SLC4A4: variants seen among roughly 807,000 people sequenced by gnomAD.
SLC4A4 encodes solute carrier family 4 member 4.
SLC4A4 carries 27 observed loss-of-function variants against 111.5 expected under a neutral mutation model. That is an observed-to-expected ratio of 0.24 (90% CI 0.18 to 0.33). The LOEUF is 0.33. SLC4A4 is among the 10% of genes least tolerant of loss of function. The pLI, the probability that SLC4A4 is intolerant of heterozygous loss-of-function variation, is 1.00. For missense variants in SLC4A4, 909 were observed against 1,315.5 expected, an observed-to-expected ratio of 0.69 and a Z score of 4.78; for synonymous variants, 443 against 463.4, an observed-to-expected ratio of 0.96 and a Z score of 0.57.
rs1452893 is a variant in SLC4A4, at chr4:71,190,431, G to C, written c.-2+3030G>C. Among the ~76,000 whole-genome samples the C allele has an allele frequency of 4.4e-3, 480 of 109,652 alleles. 1 individual carries two copies. The highest frequency in any genetic ancestry group is 0.042 in the East Asian group (153 of 3,608). 71.9% of individuals were successfully genotyped at this position (109,652 alleles called of 152,430 possible). ...ACACACACACACACACACACACACA[G>C]ACACAACTCATTTGTAGAGGTGGCT... On this transcript the variant is annotated intron_variant, in intron 1 of 25. Coordinates refer to ENST00000264485, the MANE Select transcript of SLC4A4 (RefSeq NM_001098484.3).
intron 3 of SLC4A4, chr4:71,301,352 C>T: frequency 4.6e-6 from 1 of 218,818 alleles, no homozygotes; most frequent in South Asian, 6.5e-5. Context: ...ACTCCATAGT[C>T]AGGGCTTGAA....
intron 7 of SLC4A4, among the ~76,000 whole-genome samples, chr4:71,426,691 G>A (rs1723173365): frequency 6.6e-6 from 1 of 152,028 alleles, no homozygotes; most frequent in Non-Finnish European, 1.5e-5. Context: ...GCCCTTGTTG[G>A]AGGCTAATTT....
chr4:71,450,538 C>G lies in SLC4A4; in HGVS notation c.1203C>G (p.Asp401Glu). The change falls in exon 10 of 26, where the codon GAC (aspartate) becomes GAG (glutamate). Residue 401 changes from aspartate to glutamate, a missense_variant. Coordinates refer to ENST00000264485, the MANE Select transcript of SLC4A4 (RefSeq NM_001098484.3). ...IEPPKSLPSS[D>E]KRKNMYSGGE... The stretch of plus-strand genomic sequence containing the variant: ...CTCCTAAGAGTCTTCCATCCTCTGA[C>G]AAAAGGTAAATTATAGGCAGTTGAT... 1 of 1,612,812 alleles carries G rather than the reference C, an allele frequency of 6.2e-7. No homozygotes were observed. Among genetic ancestry groups the G allele is most frequent in the South Asian group, 1.1e-5 (1 of 90,990 alleles).
At chr4:71,139,213 G>A (rs200255619) in intron 2 of SLC4A4, among the ~76,000 whole-genome samples, 1 of 108,914 alleles carries the variant, frequency 9.2e-6, no homozygotes, top group Non-Finnish European at 2.1e-5. Flanking sequence ...GTGTGTGTGT[G>A]TGTGTATTTC....
At chr4:71,376,156 T>TATAC (rs1553900734) in intron 6 of SLC4A4, among the ~76,000 whole-genome samples, 2,128 of 135,540 alleles carry the variant, frequency 0.016, 58 homozygotes, top group African/African-American at 0.049. Flanking sequence ...CCTGTATATA[T>TATAC]ACACACACAC....
chr4:71,490,996 T>G (rs1729849038), intron 15 of SLC4A4, among the ~76,000 whole-genome samples: 1 of 149,560 alleles, frequency 6.7e-6, no homozygotes, highest in Non-Finnish European at 1.5e-5. Flanking sequence ...TGTTTGACTT[T>G]TTTCCTCATC....
intron 16 of SLC4A4, among the ~76,000 whole-genome samples, chr4:71,506,986 A>C (rs922907546): frequency 6.6e-6 from 1 of 152,128 alleles, no homozygotes. Context: ...ATTGTATCTC[A>C]CCAAACTAAG....
intron 4 of SLC4A4, among the ~76,000 whole-genome samples, chr4:71,347,283 T>C (rs1237353419): frequency 6.6e-6 from 1 of 152,210 alleles, no homozygotes; most frequent in African/African-American, 2.4e-5. Flanking sequence ...GATAAAATCT[T>C]ATTAAACTTA....
chr4:71,544,057 G>A (rs1002966474), intron 18 of SLC4A4, among the ~76,000 whole-genome samples: 2 of 151,948 alleles, frequency 1.3e-5, no homozygotes, highest in Non-Finnish European at 1.5e-5. Context: ...GATACAGTCC[G>A]GTCCTCATAT....
intron 16 of SLC4A4, among the ~76,000 whole-genome samples, chr4:71,508,980 C>T (rs4470596): frequency 0.92 from 140,679 of 152,310 alleles, 65,180 homozygotes; most frequent in East Asian, 1. Flanking sequence ...ATTCATCACA[C>T]AACCAGAACT....
intron 7 of SLC4A4, among the ~76,000 whole-genome samples, chr4:71,420,026 C>T (rs971836520): frequency 2.6e-5 from 4 of 152,118 alleles, no homozygotes; most frequent in African/African-American, 7.2e-5. Context: ...AGGCTTCAGA[C>T]GATCAAACAA....
chr4:71,209,758 G>A (rs559825749), intron 1 of SLC4A4, among the ~76,000 whole-genome samples: 46 of 152,188 alleles, frequency 3.0e-4, no homozygotes, highest in Middle Eastern at 3.4e-3. Context: ...AGGTTTTAAA[G>A]GTAGCTGACT....
chr4:71,521,427 T>C (rs1457483996), intron 16 of SLC4A4, among the ~76,000 whole-genome samples: 1 of 151,936 alleles, frequency 6.6e-6, no homozygotes, highest in African/African-American at 2.4e-5. Context: ...AGAGATGGGG[T>C]GTTACTGTGT....
chr4:71,369,931 A>G (rs1226381180), intron 6 of SLC4A4, among the ~76,000 whole-genome samples: 1 of 152,090 alleles, frequency 6.6e-6, no homozygotes, highest in African/African-American at 2.4e-5. Flanking sequence ...GAAAATACAT[A>G]CACACACACA....
At chr4:71,070,115 G>A (rs1741628068) in intron 1 of SLC4A4, among the ~76,000 whole-genome samples, 1 of 152,184 alleles carries the variant, frequency 6.6e-6, no homozygotes, top group East Asian at 1.9e-4. Flanking sequence ...CTAGCAAACT[G>A]AGTGGCACCT....
chr4:71,498,019 G>A (rs182942894), intron 16 of SLC4A4, among the ~76,000 whole-genome samples: 1 of 152,226 alleles, frequency 6.6e-6, no homozygotes, highest in African/African-American at 2.4e-5. Flanking sequence ...TTGTGTTTAA[G>A]TACATAATCA....
intron 16 of SLC4A4, among the ~76,000 whole-genome samples, chr4:71,510,134 T>C (rs1003256065): frequency 2.0e-5 from 3 of 152,160 alleles, no homozygotes; most frequent in African/African-American, 7.2e-5. Context: ...AGCAAGGACT[T>C]CTGGTATCTC....
intron 3 of SLC4A4, among the ~76,000 whole-genome samples, chr4:71,303,962 G>A (rs1725480512): frequency 6.6e-6 from 1 of 152,066 alleles, no homozygotes; most frequent in South Asian, 2.1e-4. Context: ...CCTATGCATT[G>A]TCTTATTTAA....
intron 3 of SLC4A4, among the ~76,000 whole-genome samples, chr4:71,265,420 G>T (rs2149073285): frequency 6.6e-6 from 1 of 152,226 alleles, no homozygotes; most frequent in African/African-American, 2.4e-5. Flanking sequence ...ATTTTGGCCA[G>T]TCACAGGGAA....
Sources: allele counts gnomAD v4.1 joint callset (sites outside exome capture counted in the v4.1 genomes callset), GRCh38; gene constraint gnomAD v4.1.1; transcripts MANE v1.5; gene names NCBI Gene and HGNC (gene_info 2026-07-23, HGNC 2026-07-21).